ZNF398: variants seen among roughly 807,000 people sequenced by gnomAD.
ZNF398 encodes the protein zinc finger protein 398.
A neutral mutation model predicts 41.9 loss-of-function variants in ZNF398; 18 were observed. The observed-to-expected ratio is 0.43, with a 90% confidence interval of 0.30 to 0.64. The LOEUF is 0.64. Ranked by LOEUF, ZNF398 falls within the 30% of genes least tolerant of loss-of-function variation. The probability of loss-of-function intolerance (pLI) is 0.14; values close to 1 mark genes in which losing one functional copy is unlikely to be tolerated. For missense variants in ZNF398, 669 were observed against 822.8 expected, an observed-to-expected ratio of 0.81 and a Z score of 2.29; for synonymous variants, 260 against 308.8, an observed-to-expected ratio of 0.84 and a Z score of 1.66.
At chr7:149,126,689 C>T (rs1196888331) in intron 1 of ZNF398, 1 of 165,540 alleles carries the variant, frequency 6.0e-6, no homozygotes, top group South Asian at 1.5e-4. Flanking sequence ...CCAAAGCTGC[C>T]CCCAAGTCAG....
At chr7:149,131,423 C>G (rs1185546969) in intron 2 of ZNF398, among the ~76,000 whole-genome samples, 6 of 152,080 alleles carry the variant, frequency 3.9e-5, no homozygotes, top group African/African-American at 9.7e-5. Flanking sequence ...TGTGGTGGCT[C>G]ACACCTGTAA....
chr7:149,139,622 G>A (rs1428219996), intron 2 of ZNF398, among the ~76,000 whole-genome samples: 1 of 152,048 alleles, frequency 6.6e-6, no homozygotes, highest in Non-Finnish European at 1.5e-5. Flanking sequence ...TTGGGAGGCT[G>A]TGGCAGGAAA....
intron 4 of ZNF398, among the ~76,000 whole-genome samples, chr7:149,168,759 T>G (rs533915456): frequency 1.1e-4 from 16 of 152,094 alleles, no homozygotes; most frequent in Admixed American, 5.9e-4. Context: ...TTCACCATGT[T>G]GGCCAGGCTG....
rs775926671 is a variant in ZNF398, at chr7:149,170,846, C to T, written c.661+3916C>T. Among the ~76,000 whole-genome samples, 27 of 152,028 alleles carry T rather than the reference C, an allele frequency of 1.8e-4. 1 individual carries two copies. In the South Asian group the frequency reaches 2.3e-3, roughly 13 times the overall value. On this transcript the variant is annotated intron_variant, in intron 4 of 5. Coordinates refer to ENST00000475153, the MANE Select transcript of ZNF398 (RefSeq NM_170686.3). ...AGTGAGTGAATGTGAAGGCCTAGGA[C>T]ATTACTAGGCTGTAGACTTTATAAA...
chr7:149,143,816 AAAAC>A (rs199519200), upstream of ZNF398, among the ~76,000 whole-genome samples: 618 of 152,290 alleles, frequency 4.1e-3, 5 homozygotes, highest in Admixed American at 0.029. Context: ...TCCATCTCAA[AAAAC>A]AAACAAACAA....
chr7:149,147,767 G>T lies in ZNF398; in HGVS notation c.24+1G>T. The T allele has an allele frequency of 7.2e-7, 1 of 1,393,386 alleles. No individual in the cohort carries two copies. 86.3% of individuals were successfully genotyped at this position (1,393,386 alleles called of 1,614,324 possible). A position where few individuals can be genotyped will look rare whatever the true frequency, so the allele number is the denominator to read the frequency against. ...CATGGCTGAGGCGGCCCCGGCCCCG[G>T]TAAGGGCGGCCGCGCGCGAGTGTTG... On this transcript the variant is annotated splice_donor_variant, in intron 1 of 5. Transcript: ENST00000475153. LOFTEE classifies it high-confidence loss of function. This position sits in a 1 kb window ranked among gnomAD's most constrained non-coding sequence, Gnocchi z 5.6.
At chr7:149,141,537 C>A (rs1225313114) in intron 2 of ZNF398, among the ~76,000 whole-genome samples, 1 of 138,408 alleles carries the variant, frequency 7.2e-6, no homozygotes, top group Non-Finnish European at 1.5e-5. Context: ...TCACTGCAAG[C>A]TCCGCCTCCC....
intron 5 of ZNF398, among the ~76,000 whole-genome samples, chr7:149,178,385 G>A (rs1362730278): frequency 3.9e-5 from 6 of 152,210 alleles, no homozygotes; most frequent in Non-Finnish European, 8.8e-5. Context: ...CCCAGGTAGT[G>A]GAGGCTGCAG....
chr7:149,140,073 A>C (rs1261593196), intron 2 of ZNF398, among the ~76,000 whole-genome samples: 1 of 152,156 alleles, frequency 6.6e-6, no homozygotes, highest in Non-Finnish European at 1.5e-5. Flanking sequence ...TTAATGTTCA[A>C]ATCCTAGCAG....
chr7:149,147,478 C>T lies in ZNF398; in HGVS notation c.-265C>T, dbSNP rs1465799928. On this transcript the variant is annotated 5_prime_UTR_variant, in exon 1 of 6. Transcript: ENST00000475153. The surrounding 1 kb of genome is among the most constrained non-coding windows in gnomAD (Gnocchi z 5.6). ...GCACTCGCTGCCCACAAAGCGCCAGCTGAGGGGCCGCTGCGGGTGGAGTGC... is the reference window on the plus strand; with the variant it reads ...GCACTCGCTGCCCACAAAGCGCCAGTTGAGGGGCCGCTGCGGGTGGAGTGC... 3.5e-6 allele frequency: 1 copy of T among 284,164 alleles called. No individual in the cohort carries two copies. Among genetic ancestry groups the T allele is most frequent in the Non-Finnish European group, 6.4e-6 (1 of 155,150 alleles). The allele number at this position is 284,164 out of a possible 1,614,324, so 17.6% of individuals were successfully genotyped here.
chr7:149,165,606 A>C (rs1215684577), intron 2 of ZNF398, among the ~76,000 whole-genome samples: 1 of 152,192 alleles, frequency 6.6e-6, no homozygotes, highest in Admixed American at 6.6e-5. Context: ...ATGAATTTTG[A>C]AGTTTAATTT....
chr7:149,167,190 A>T (rs1243005010), intron 4 of ZNF398, among the ~76,000 whole-genome samples: 1 of 152,234 alleles, frequency 6.6e-6, no homozygotes, highest in Non-Finnish European at 1.5e-5. Flanking sequence ...GTTTAATAAA[A>T]TAAACATGTC....
intron 2 of ZNF398, among the ~76,000 whole-genome samples, chr7:149,138,226 A>G (rs1400002568): frequency 6.6e-6 from 1 of 151,384 alleles, no homozygotes; most frequent in Non-Finnish European, 1.5e-5. Context: ...AAAAAAAAAG[A>G]AAAAAATTTA....
At position 149,179,012 on chromosome 7, in the gene ZNF398, T is replaced by C; in HGVS notation, c.1140T>C (p.Thr380=). 6.2e-7 allele frequency: 1 copy of C among 1,613,234 alleles called. No homozygotes were observed. Among genetic ancestry groups the C allele is most frequent in the Non-Finnish European group, 8.5e-7 (1 of 1,179,816 alleles). Residue 380 remains threonine, a synonymous_variant, in exon 6 of 6, where the codon ACT becomes ACC. Transcript: ENST00000475153. This position sits in a 1 kb window ranked among gnomAD's most constrained non-coding sequence, Gnocchi z 6.1. ...LPCAQCPKHF[T]PQADLSSTSQ... ...GTGCCCAGTGCCCTAAGCACTTTAC[T>C]CCACAGGCGGACCTCAGCAGCACCT...
intron 4 of ZNF398, among the ~76,000 whole-genome samples, chr7:149,170,039 A>G (rs1028766636): frequency 6.6e-6 from 1 of 152,198 alleles, no homozygotes; most frequent in Non-Finnish European, 1.5e-5. Context: ...AGAAAAGCTC[A>G]TTAGAGACTC....
chr7:149,128,956 C>G (rs1186739759), intron 2 of ZNF398: 3 of 151,442 alleles, frequency 2.0e-5, no homozygotes. Flanking sequence ...TATGTGCCAC[C>G]ACATTGGGCT....
chr7:149,166,422 C>A, intron 3 of ZNF398, 138 bp downstream of exon 3: 3 of 999,208 alleles, frequency 3.0e-6, no homozygotes, highest in Non-Finnish European at 4.5e-6. Context: ...AAAATATGAC[C>A]AATTAATGCT....
intron 4 of ZNF398, among the ~76,000 whole-genome samples, chr7:149,169,657 G>T (rs1013377898): frequency 2.0e-5 from 3 of 152,070 alleles, no homozygotes; most frequent in Non-Finnish European, 2.9e-5. Context: ...TTGCCATGTT[G>T]CCCGGGCTGG....
At chr7:149,145,533 G>A (rs909845427), upstream of ZNF398, among the ~76,000 whole-genome samples, 2 of 152,098 alleles carry the variant, frequency 1.3e-5, no homozygotes, top group Non-Finnish European at 2.9e-5. Flanking sequence ...GAATCATAAG[G>A]CTTTTGTTTA....
Sources: allele counts gnomAD v4.1 joint callset (sites outside exome capture counted in the v4.1 genomes callset), GRCh38; gene constraint gnomAD v4.1.1; non-coding constraint Gnocchi (gnomAD v3.1); transcripts MANE v1.5; gene names NCBI Gene and HGNC (gene_info 2026-07-23, HGNC 2026-07-21).